The following ARB2A variants were observed in gnomAD, a reference collection of about 807,000 sequenced individuals.
The protein encoded by ARB2A is ARB2 cotranscriptional regulator A.
At chr5:93,919,540 G>A in the ARB2A span, among the ~76,000 whole-genome samples, 2 of 152,074 alleles carry the variant, frequency 1.3e-5, no homozygotes, top group South Asian at 2.1e-4. Flanking sequence ...TGGAGAGCAC[G>A]GTAACATATC....
chr5:93,946,963 T>C, the ARB2A span, among the ~76,000 whole-genome samples: 18 of 152,204 alleles, frequency 1.2e-4, no homozygotes, highest in Non-Finnish European at 2.2e-4. Context: ...AAGAGTATTA[T>C]ATGTTATTCT....
the ARB2A span, among the ~76,000 whole-genome samples, chr5:93,866,727 T>C: frequency 1.3e-5 from 2 of 152,176 alleles, no homozygotes; most frequent in Admixed American, 1.3e-4. Flanking sequence ...ATGCAGGGGT[T>C]CTGGAATCAG....
At chr5:94,001,381 A>T in the ARB2A span, among the ~76,000 whole-genome samples, 3 of 152,040 alleles carry the variant, frequency 2.0e-5, no homozygotes, top group Non-Finnish European at 4.4e-5. Context: ...AATTTGTGGA[A>T]ATTTTCAGTC....
the ARB2A span, among the ~76,000 whole-genome samples, chr5:93,888,369 C>T: frequency 1.3e-5 from 2 of 151,786 alleles, no homozygotes; most frequent in Non-Finnish European, 2.9e-5. Flanking sequence ...CAAGTTAAAA[C>T]TGTTGCCCAG....
At chr5:93,776,327 A>C in the ARB2A span, 1 of 1,036,644 alleles carries the variant, frequency 9.6e-7, no homozygotes, top group Admixed American at 2.2e-5. Context: ...TATCCTATAA[A>C]ATCAACCACT....
the ARB2A span, among the ~76,000 whole-genome samples, chr5:94,035,234 T>TACATATACATATACATAC: frequency 6.6e-6 from 1 of 151,748 alleles, no homozygotes; most frequent in Non-Finnish European, 1.5e-5. Flanking sequence ...CATATACATA[T>TACATATACATATACATAC]ACATATACAT....
chr5:93,699,439 T>C, the ARB2A span, among the ~76,000 whole-genome samples: 1 of 152,202 alleles, frequency 6.6e-6, no homozygotes, highest in African/African-American at 2.4e-5. Context: ...CGTACTGTGA[T>C]GTGAACTTCT....
the ARB2A span, chr5:94,074,724 A>C: frequency 1.2e-6 from 2 of 1,612,718 alleles, no homozygotes; most frequent in African/African-American, 2.7e-5. Context: ...ATTGGCAACA[A>C]AATTAAAGAG....
At chr5:93,620,710 G>A in the ARB2A span, 1 of 318,046 alleles carries the variant, frequency 3.1e-6, no homozygotes, top group East Asian at 5.2e-5. Flanking sequence ...TTCGCCGGCC[G>A]AGCCAGGCAG....
chr5:93,626,104 T>G, the ARB2A span, among the ~76,000 whole-genome samples: 1,200 of 152,334 alleles, frequency 7.9e-3, 17 homozygotes, highest in African/African-American at 0.027. Context: ...GTATATTATT[T>G]TGAAGCTATA....
the ARB2A span, among the ~76,000 whole-genome samples, chr5:93,958,053 A>G: frequency 6.6e-6 from 1 of 152,080 alleles, no homozygotes; most frequent in South Asian, 2.1e-4. Context: ...TGAATGCAAT[A>G]GTAAAACAAA....
At chr5:94,007,315 T>C in the ARB2A span, among the ~76,000 whole-genome samples, 1 of 152,106 alleles carries the variant, frequency 6.6e-6, no homozygotes, top group Non-Finnish European at 1.5e-5. Context: ...AGAAAAGCAA[T>C]AGTTGCAATA....
At chr5:93,840,499 C>T in the ARB2A span, among the ~76,000 whole-genome samples, 1 of 152,052 alleles carries the variant, frequency 6.6e-6, no homozygotes, top group African/African-American at 2.4e-5. Flanking sequence ...ACTCCACCCA[C>T]CTGTTTTTCT....
At chr5:93,854,434 GTT>G in the ARB2A span, among the ~76,000 whole-genome samples, 1 of 152,076 alleles carries the variant, frequency 6.6e-6, no homozygotes, top group Non-Finnish European at 1.5e-5. Context: ...TTTTTGAAGG[GTT>G]TTTTGTGTCT....
chr5:93,867,255 A>T, the ARB2A span, among the ~76,000 whole-genome samples: 4 of 152,224 alleles, frequency 2.6e-5, no homozygotes, highest in Non-Finnish European at 5.9e-5. Flanking sequence ...AAGGAAAAAT[A>T]GTGACTGTTT....
chr5:93,953,493 T>A, the ARB2A span, among the ~76,000 whole-genome samples: 2 of 56,200 alleles, frequency 3.6e-5, no homozygotes, highest in South Asian at 2.7e-3. Context: ...TTGTCTTACT[T>A]TCCCCCAGAG....
the ARB2A span, among the ~76,000 whole-genome samples, chr5:93,902,653 A>G: frequency 6.6e-6 from 1 of 152,158 alleles, no homozygotes; most frequent in Non-Finnish European, 1.5e-5. Context: ...CAGCATCGGG[A>G]GAGTAGCAGA....
At chr5:94,048,337 G>A in the ARB2A span, among the ~76,000 whole-genome samples, 4 of 152,030 alleles carry the variant, frequency 2.6e-5, no homozygotes, top group South Asian at 2.1e-4. Flanking sequence ...ACAGGCGTGA[G>A]CCACCATGCC....
At chr5:93,930,670 C>A in the ARB2A span, among the ~76,000 whole-genome samples, 1 of 152,024 alleles carries the variant, frequency 6.6e-6, no homozygotes, top group East Asian at 1.9e-4. Context: ...AATTGAAGCA[C>A]AAAAGTATAA....
Sources: gnomAD v4.1 joint callset for allele counts (sites outside exome capture counted in the v4.1 genomes callset) on GRCh38, gnomAD v4.1.1 for gene constraint, MANE v1.5 for transcripts, NCBI Gene and HGNC (gene_info 2026-07-23, HGNC 2026-07-21) for gene names.